Variants in GALNT17 observed in about 807,000 individuals in gnomAD.
GALNT17 encodes the protein polypeptide N-acetylgalactosaminyltransferase 17, also known as UDP-GalNAc:polypeptide N-acetylgalactosaminyltransferase-like 3.
GALNT17 carries 29 observed loss-of-function variants against 63.7 expected under a neutral mutation model. The observed-to-expected ratio is 0.46, with a 90% CI of 0.34 to 0.62. The LOEUF (loss-of-function observed/expected upper bound fraction) is 0.62. Ranked by LOEUF, GALNT17 falls within the 20% of genes least tolerant of loss-of-function variation. GALNT17 has a pLI of 0.01. For missense variants in GALNT17, 603 were observed against 799.6 expected (o/e 0.75, Z 2.97); for synonymous variants, 305 against 318.3 (o/e 0.96, Z 0.45).
chr7:71,631,056 G>T (rs875979), intron 6 of GALNT17, among the ~76,000 whole-genome samples: 15,955 of 152,230 alleles, frequency 0.1, 1,082 homozygotes, highest in Non-Finnish European at 0.15. Flanking sequence ...TGTTGCAGTG[G>T]ACAATGAGCA....
intron 5 of GALNT17, among the ~76,000 whole-genome samples, chr7:71,498,066 C>T (rs571245704): frequency 1.4e-4 from 21 of 152,260 alleles, no homozygotes; most frequent in Admixed American, 9.8e-4. Flanking sequence ...CGTGAATGTC[C>T]GCAGTGGGGT....
chr7:71,188,203 C>A (rs1562897763), intron 1 of GALNT17, among the ~76,000 whole-genome samples: 1 of 152,078 alleles, frequency 6.6e-6, no homozygotes, highest in Non-Finnish European at 1.5e-5. Flanking sequence ...GTGCAAGTAT[C>A]TTTTTCGTAT....
intron 5 of GALNT17, among the ~76,000 whole-genome samples, chr7:71,484,594 G>T (rs1177072218): frequency 1.3e-5 from 2 of 152,092 alleles, no homozygotes; most frequent in Non-Finnish European, 2.9e-5. Context: ...AATGCATTGT[G>T]CTATGATGTT....
chr7:71,227,481 A>G (rs1259385816), intron 1 of GALNT17, among the ~76,000 whole-genome samples: 1 of 152,036 alleles, frequency 6.6e-6, no homozygotes, highest in African/African-American at 2.4e-5. Flanking sequence ...GTCCAAAAGC[A>G]TTTCTCACCC....
intron 1 of GALNT17, among the ~76,000 whole-genome samples, chr7:71,285,584 G>A (rs1282740837): frequency 1.3e-5 from 2 of 152,172 alleles, no homozygotes; most frequent in Non-Finnish European, 2.9e-5. Flanking sequence ...TGGTATTAGG[G>A]GGTTGGGCCT....
intron 4 of GALNT17, among the ~76,000 whole-genome samples, chr7:71,419,998 C>T (rs1469922531): frequency 1.3e-5 from 2 of 152,276 alleles, no homozygotes; most frequent in Admixed American, 1.3e-4. Context: ...TTATTCTTCC[C>T]GATAATGCAG....
chr7:71,345,152 T>TG (rs2116146157), intron 2 of GALNT17, among the ~76,000 whole-genome samples: 1 of 151,386 alleles, frequency 6.6e-6, no homozygotes, highest in African/African-American at 2.4e-5. Flanking sequence ...TTTTTGTTTT[T>TG]TTTTTTTGTT....
intron 1 of GALNT17, among the ~76,000 whole-genome samples, chr7:71,329,693 T>G (rs1384006372): frequency 2.0e-5 from 3 of 151,916 alleles, no homozygotes; most frequent in Non-Finnish European, 4.4e-5. Context: ...TACACACTTT[T>G]AAACAACCAG....
At chr7:71,454,027 A>G (rs530798256) in intron 5 of GALNT17, among the ~76,000 whole-genome samples, 4 of 152,354 alleles carry the variant, frequency 2.6e-5, no homozygotes, top group South Asian at 4.1e-4. Flanking sequence ...TCAAAAGCTC[A>G]TATCACAACT....
At chr7:71,282,333 G>C (rs923720430) in intron 1 of GALNT17, among the ~76,000 whole-genome samples, 1 of 152,212 alleles carries the variant, frequency 6.6e-6, no homozygotes, top group South Asian at 2.1e-4. Flanking sequence ...GAACCTTTTA[G>C]CCTGGTGGGA....
intron 5 of GALNT17, among the ~76,000 whole-genome samples, chr7:71,497,226 A>G (rs1191696111): frequency 6.6e-6 from 1 of 152,200 alleles, no homozygotes; most frequent in Non-Finnish European, 1.5e-5. Flanking sequence ...TCTTCTGTGC[A>G]CTAATCCACT....
chr7:71,488,206 C>G (rs1200050151), intron 5 of GALNT17, among the ~76,000 whole-genome samples: 3 of 148,700 alleles, frequency 2.0e-5, no homozygotes, highest in African/African-American at 7.4e-5. Flanking sequence ...AGGTAAGAGG[C>G]AAGCCTTAGA....
intron 1 of GALNT17, among the ~76,000 whole-genome samples, chr7:71,282,035 G>T (rs914960796): frequency 2.0e-5 from 3 of 152,104 alleles, no homozygotes; most frequent in African/African-American, 4.8e-5. Flanking sequence ...GCCTCTCCTT[G>T]CTGATCAATG....
At chr7:71,258,310 G>T (rs1412490323) in intron 1 of GALNT17, among the ~76,000 whole-genome samples, 1 of 152,208 alleles carries the variant, frequency 6.6e-6, no homozygotes, top group Non-Finnish European at 1.5e-5. Flanking sequence ...TTCCCTAAGT[G>T]CAATGCTGAT....
intron 1 of GALNT17, among the ~76,000 whole-genome samples, chr7:71,297,373 G>A (rs1791101403): frequency 6.6e-6 from 1 of 152,118 alleles, no homozygotes. Context: ...ATGAAACCCT[G>A]TCTCTACCAA....
intron 1 of GALNT17, among the ~76,000 whole-genome samples, chr7:71,227,442 G>A (rs73700644): frequency 0.045 from 6,841 of 151,944 alleles, 484 homozygotes; most frequent in African/African-American, 0.15. Flanking sequence ...GAGAACTCAG[G>A]GGAGATCCCA....
intron 1 of GALNT17, among the ~76,000 whole-genome samples, chr7:71,167,206 C>T (rs1451108443): frequency 6.6e-6 from 1 of 151,916 alleles, no homozygotes; most frequent in East Asian, 1.9e-4. Context: ...TTTTGAAGAA[C>T]TGTTTTTTCC....
chr7:71,388,013 G>A (rs1792978067), intron 2 of GALNT17, among the ~76,000 whole-genome samples: 1 of 152,090 alleles, frequency 6.6e-6, no homozygotes, highest in East Asian at 1.9e-4. Flanking sequence ...CTCACCACCT[G>A]TAGGGTGGTG....
intron 5 of GALNT17, among the ~76,000 whole-genome samples, chr7:71,439,767 C>T (rs1354586623): frequency 6.6e-6 from 1 of 152,068 alleles, no homozygotes; most frequent in Non-Finnish European, 1.5e-5. Flanking sequence ...GCAGCCATCC[C>T]ATTAATTTTA....
Sources: allele counts gnomAD v4.1 joint callset (sites outside exome capture counted in the v4.1 genomes callset), GRCh38; gene constraint gnomAD v4.1.1; transcripts MANE v1.5; gene names NCBI Gene and HGNC (gene_info 2026-07-23, HGNC 2026-07-21).